Variants in GNB1 observed in about 807,000 individuals in gnomAD.
GNB1 encodes G protein subunit beta 1.
In GNB1, 2 loss-of-function variants were observed where a neutral mutation model predicts 42.9. The observed-to-expected ratio is 0.05, with a 90% CI of 0.02 to 0.15. The LOEUF is 0.15. Among genes scored for constraint, GNB1 ranks in the 10% least tolerant of loss-of-function variants. The probability of loss-of-function intolerance (pLI) is 1.00; values close to 1 mark genes in which losing one functional copy is unlikely to be tolerated. For synonymous variants in GNB1, 183 were observed against 174.7 expected, an observed-to-expected ratio of 1.05 and a Z score of -0.38; for missense variants, 193 against 462.2, an observed-to-expected ratio of 0.42 and a Z score of 5.34.
chr1:1,807,463 G>GGAAAAAAA (rs1369704288), intron 5 of GNB1, among the ~76,000 whole-genome samples: 1 of 25,578 alleles, frequency 3.9e-5, no homozygotes, highest in African/African-American at 2.3e-4. Flanking sequence ...GATCCTGACT[G>GGAAAAAAA]AAAAAAAAAA....
chr1:1,840,687 C>A (rs1227440759), intron 1 of GNB1, among the ~76,000 whole-genome samples: 1 of 152,242 alleles, frequency 6.6e-6, no homozygotes, highest in Non-Finnish European at 1.5e-5. Flanking sequence ...TGAGTCCTGG[C>A]AAGTCTATGT....
chr1:1,864,957 T>C (rs1648841799), intron 1 of GNB1, among the ~76,000 whole-genome samples: 1 of 152,156 alleles, frequency 6.6e-6, no homozygotes. Flanking sequence ...CTATCTAACA[T>C]CTGTTATAAA....
intron 1 of GNB1, among the ~76,000 whole-genome samples, chr1:1,857,317 T>TGG (rs1553202618): frequency 6.6e-6 from 1 of 152,004 alleles, no homozygotes. Flanking sequence ...GCTGGCTGGC[T>TGG]CCTCTCTCTC....
At chr1:1,881,196 A>G (rs994348598) in intron 1 of GNB1, among the ~76,000 whole-genome samples, 2 of 152,204 alleles carry the variant, frequency 1.3e-5, no homozygotes, top group African/African-American at 4.8e-5. Context: ...ACCTGTGGTC[A>G]TTTACATCTT....
chr1:1,887,009 G>A (rs949552479), intron 1 of GNB1, among the ~76,000 whole-genome samples: 1 of 152,040 alleles, frequency 6.6e-6, no homozygotes, highest in Admixed American at 6.6e-5. Flanking sequence ...CACCACGCCC[G>A]GTCAAACCAG....
chr1:1,837,476 G>A (rs559125967), intron 2 of GNB1, among the ~76,000 whole-genome samples: 136 of 151,630 alleles, frequency 9.0e-4, no homozygotes, highest in Admixed American at 2.2e-3. Context: ...GGATGGTCTC[G>A]ATCTCTTGAC....
chr1:1,841,723 C>T (rs1196581969), intron 1 of GNB1, among the ~76,000 whole-genome samples: 1 of 152,136 alleles, frequency 6.6e-6, no homozygotes, highest in African/African-American at 2.4e-5. Context: ...TGCAATTATG[C>T]TGCTTATGTA....
chr1:1,794,022 G>A (rs1646515219), intron 7 of GNB1: 1 of 152,318 alleles, frequency 6.6e-6, no homozygotes, highest in African/African-American at 2.4e-5. Context: ...ATGTGTGGGT[G>A]GGTTTGTTTT....
chr1:1,832,949 C>T (rs950206242), intron 2 of GNB1, among the ~76,000 whole-genome samples: 2 of 152,192 alleles, frequency 1.3e-5, no homozygotes, highest in African/African-American at 4.8e-5. Context: ...TCTGAAAGTG[C>T]TCTGTCAGTC....
At chr1:1,840,513 G>A (rs1647215561) in intron 1 of GNB1, among the ~76,000 whole-genome samples, 1 of 152,256 alleles carries the variant, frequency 6.6e-6, no homozygotes, top group South Asian at 2.1e-4. Flanking sequence ...GGGTGACAGT[G>A]CGAGACTCTG....
intron 1 of GNB1, among the ~76,000 whole-genome samples, chr1:1,839,990 A>T (rs899539748): frequency 1.3e-5 from 2 of 151,064 alleles, no homozygotes; most frequent in Non-Finnish European, 2.9e-5. Flanking sequence ...TAAAAATTAA[A>T]TGTTTTTAAT....
At chr1:1,836,906 A>G (rs967616835) in intron 2 of GNB1, among the ~76,000 whole-genome samples, 9 of 137,498 alleles carry the variant, frequency 6.5e-5, no homozygotes, top group African/African-American at 2.5e-4. Context: ...TTTATTGCCC[A>G]GGATGGTATC....
rs1418814107 is a variant in GNB1, at chr1:1,877,311, A to AT, written c.-96+13508_-96+13509insA. The stretch of plus-strand genomic sequence containing the variant: ...GAGACTCTGTCTCAAAAAAAAAAAA[A>AT]AAAAAATATATATATATATACACAC... On this transcript the variant is annotated intron_variant, in intron 1 of 11. Coordinates refer to ENST00000378609, the MANE Select transcript of GNB1 (RefSeq NM_002074.5). 2.7e-3 allele frequency among the ~76,000 whole-genome samples: 390 copies of AT among 142,872 alleles called. 2 individuals are homozygous for AT. The highest frequency in any genetic ancestry group is 4.2e-3 in the African/African-American group (164 of 38,968). The allele number at this position is 142,872 out of a possible 152,430, so 93.7% of individuals were successfully genotyped here.
At chr1:1,862,752 C>A (rs1648703604) in intron 1 of GNB1, among the ~76,000 whole-genome samples, 1 of 152,106 alleles carries the variant, frequency 6.6e-6, no homozygotes, top group South Asian at 2.1e-4. Context: ...ATCCACTACA[C>A]CTGGCCAGTA....
intron 1 of GNB1, among the ~76,000 whole-genome samples, chr1:1,844,615 C>T (rs766226719): frequency 4.6e-5 from 7 of 152,268 alleles, no homozygotes; most frequent in Non-Finnish European, 1.0e-4. Context: ...TAATCAAGTA[C>T]AGGTATACTT....
intron 1 of GNB1, among the ~76,000 whole-genome samples, chr1:1,875,670 G>A (rs187243361): frequency 7.9e-5 from 12 of 152,144 alleles, no homozygotes; most frequent in East Asian, 1.9e-4. Context: ...CACTGCATCC[G>A]GCCCCTTTTT....
chr1:1,799,908 T>C (rs1442888047), intron 7 of GNB1, among the ~76,000 whole-genome samples: 1 of 149,726 alleles, frequency 6.7e-6, no homozygotes, highest in Non-Finnish European at 1.5e-5. Flanking sequence ...AGAAAGGGAG[T>C]CCCAAACTAC....
chr1:1,786,091 A>C lies in GNB1; in HGVS notation c.*972T>G. 2.5e-6 allele frequency: 1 copy of C among 398,594 alleles called. No individual in the cohort carries two copies. The highest frequency in any genetic ancestry group is 4.4e-6 in the Non-Finnish European group (1 of 226,046). 24.7% of individuals were successfully genotyped at this position (398,594 alleles called of 1,614,324 possible). On this transcript the variant is annotated 3_prime_UTR_variant, in exon 12 of 12. Transcript: ENST00000378609. ...TAAAATTTAACTTAGAAAGTCTGAGATCATTATTTTCAAAACATTGATTTG... is the reference window on the plus strand; with the variant it reads ...TAAAATTTAACTTAGAAAGTCTGAGCTCATTATTTTCAAAACATTGATTTG...
Position 1,887,641 on chromosome 1 carries a change from C to CT in GNB1, c.-96+3178dup, listed in dbSNP as rs562683703. Among the ~76,000 whole-genome samples, 611 of 152,298 alleles carry CT rather than the reference C, an allele frequency of 4.0e-3. 3 individuals carry two copies. Among genetic ancestry groups the CT allele is most frequent in the Admixed American group, 6.0e-3 (92 of 15,290 alleles). On this transcript the variant is annotated intron_variant, in intron 1 of 11. Transcript: ENST00000378609. ...AAAAGGATTTACAGAGGTTTTTACTCTTTTGAGACACAGTCTCACTCTGTC... is the reference window on the plus strand; with the variant it reads ...AAAAGGATTTACAGAGGTTTTTACTCTTTTTGAGACACAGTCTCACTCTGTC...
Sources: gnomAD v4.1 joint callset for allele counts (sites outside exome capture counted in the v4.1 genomes callset) on GRCh38, gnomAD v4.1.1 for gene constraint, MANE v1.5 for transcripts, NCBI Gene and HGNC (gene_info 2026-07-23, HGNC 2026-07-21) for gene names.